The following SPECC1 variants were observed in gnomAD, a reference collection of about 807,000 sequenced individuals.
The protein encoded by SPECC1 is cytospin-B.
In SPECC1, 62 loss-of-function variants were observed where a neutral mutation model predicts 104.1. The ratio of observed to expected loss-of-function variants is 0.60; its 90% CI spans 0.49 to 0.74. SPECC1 has a LOEUF of 0.74. Ranked by LOEUF, SPECC1 falls within the 30% of genes least tolerant of loss-of-function variation. The pLI, the probability that SPECC1 is intolerant of heterozygous loss-of-function variation, is 0.00. For missense variants in SPECC1, 1,306 were observed against 1,310.5 expected (o/e 1.00, Z 0.05); for synonymous variants, 513 against 501.6 (o/e 1.02, Z -0.30).
chr17:20,059,695 A>G (rs1179564899), intron 1 of SPECC1, among the ~76,000 whole-genome samples: 1 of 152,094 alleles, frequency 6.6e-6, no homozygotes, highest in Non-Finnish European at 1.5e-5. Flanking sequence ...GTGAGATCCC[A>G]TCTCTATAGA....
intron 4 of SPECC1, among the ~76,000 whole-genome samples, chr17:20,223,243 C>T (rs992340116): frequency 6.6e-6 from 1 of 151,954 alleles, no homozygotes; most frequent in African/African-American, 2.4e-5. Context: ...TTTGTCTCCT[C>T]TGTATATTTT....
At chr17:20,034,605 CTTTTT>C (rs375147469) in intron 1 of SPECC1, among the ~76,000 whole-genome samples, 17 of 132,378 alleles carry the variant, frequency 1.3e-4, no homozygotes, top group Non-Finnish European at 1.4e-4. Context: ...TCTATTTTTC[CTTTTT>C]TTTTTTTTTT....
At position 20,141,259 on chromosome 17, in the gene SPECC1, C is replaced by G. The variant is rs531816455; in HGVS notation, c.283+30697C>G. Reference sequence around the variant, plus strand: ...AAGTCACTCCCATATCCTACCTATACTGCTTCTCCTGCCTAATAACTCTCT... The same window carrying G: ...AAGTCACTCCCATATCCTACCTATAGTGCTTCTCCTGCCTAATAACTCTCT... On this transcript the variant is annotated intron_variant, in intron 3 of 14. Coordinates refer to ENST00000395527, the MANE Select transcript of SPECC1 (RefSeq NM_001243439.2). Among the ~76,000 whole-genome samples, 128 of 152,320 alleles carry G rather than the reference C, an allele frequency of 8.4e-4. 1 individual carries two copies. Among genetic ancestry groups the G allele is most frequent in the South Asian group, 2.1e-4 (1 of 4,828 alleles).
At chr17:20,288,040 A>G (rs973658179) in intron 12 of SPECC1, among the ~76,000 whole-genome samples, 2 of 152,010 alleles carry the variant, frequency 1.3e-5, no homozygotes, top group African/African-American at 2.4e-5. Context: ...ATAAATGAGA[A>G]CATACTTTGT....
At chr17:20,063,846 A>G (rs759478558) in intron 1 of SPECC1, among the ~76,000 whole-genome samples, 3 of 152,186 alleles carry the variant, frequency 2.0e-5, no homozygotes, top group Non-Finnish European at 4.4e-5. Flanking sequence ...TCTGAGTTAA[A>G]CTTAGCCAAC....
intron 9 of SPECC1, among the ~76,000 whole-genome samples, chr17:20,250,998 A>C (rs1025127268): frequency 6.6e-6 from 1 of 152,010 alleles, no homozygotes. Context: ...AGGCCAAGGT[A>C]GGTGGATCAC....
intron 4 of SPECC1, among the ~76,000 whole-genome samples, chr17:20,216,756 T>C (rs759836273): frequency 2.2e-4 from 34 of 152,170 alleles, no homozygotes; most frequent in Non-Finnish European, 4.1e-4. Flanking sequence ...AAGTTGATCT[T>C]TGAAATTGAG....
chr17:20,104,666 C>A (rs2048100912), intron 2 of SPECC1, among the ~76,000 whole-genome samples: 1 of 136,882 alleles, frequency 7.3e-6, no homozygotes, highest in African/African-American at 2.8e-5. Context: ...TCGTTCAAAT[C>A]TGGGAGGCGG....
intron 1 of SPECC1, among the ~76,000 whole-genome samples, chr17:20,078,242 T>C (rs1196691856): frequency 6.6e-6 from 1 of 151,268 alleles, no homozygotes; most frequent in Non-Finnish European, 1.5e-5. Context: ...TGCAAAAAAC[T>C]TGGTACATTG....
chr17:20,061,072 A>G (rs2046168379), intron 1 of SPECC1, among the ~76,000 whole-genome samples: 6 of 152,080 alleles, frequency 3.9e-5, no homozygotes, highest in Admixed American at 3.9e-4. Context: ...TGTTTCATTT[A>G]TTTCTTTGTT....
At chr17:20,273,061 C>T (rs879596143) in intron 12 of SPECC1, among the ~76,000 whole-genome samples, 1 of 152,180 alleles carries the variant, frequency 6.6e-6, no homozygotes, top group Admixed American at 6.5e-5. Context: ...ATATCCATGA[C>T]GAACTTCTGG....
chr17:20,096,772 T>C lies in SPECC1; in HGVS notation c.121T>C (p.Leu41=), dbSNP rs34127621. ...GMKSSKSSTS[L]AFESRLSRLK... ...GAAGAGTTCTAAGTCTTCAACTTCCTTGGCTTTTGAGTCCCGACTCAGCAG... is the reference window on the plus strand; with the variant it reads ...GAAGAGTTCTAAGTCTTCAACTTCCCTGGCTTTTGAGTCCCGACTCAGCAG... The change falls in exon 2 of 15, where the codon TTG becomes CTG. Residue 41 remains leucine (L), a synonymous_variant. Coordinates refer to ENST00000395527, the MANE Select transcript of SPECC1 (RefSeq NM_001243439.2). The C allele has an allele frequency of 1.9e-5, 30 of 1,614,042 alleles. No homozygotes were observed. In the African/African-American group the frequency reaches 3.3e-4, roughly 18 times the overall value.
intron 3 of SPECC1, among the ~76,000 whole-genome samples, chr17:20,198,815 C>G (rs2036209828): frequency 6.6e-6 from 1 of 152,156 alleles, no homozygotes; most frequent in African/African-American, 2.4e-5. Flanking sequence ...TGTAATAGAG[C>G]CACTGCTTTC....
chr17:20,257,045 T>C lies in SPECC1; in HGVS notation c.2681-406T>C, dbSNP rs372466219. Among the ~76,000 whole-genome samples, 33 of 152,322 alleles carry C rather than the reference T, an allele frequency of 2.2e-4. No homozygotes were observed. In the South Asian group the frequency reaches 6.8e-3, roughly 32 times the overall value. On this transcript the variant is annotated intron_variant, in intron 10 of 14. Coordinates refer to ENST00000395527, the MANE Select transcript of SPECC1 (RefSeq NM_001243439.2). ...TCTTCTTGGTTCCCAGCTTCTTGTT[T>C]ATTGCTGCCTGTGGTCTGATCATCA...
intron 1 of SPECC1, among the ~76,000 whole-genome samples, chr17:20,050,521 G>A (rs1345111883): frequency 6.6e-6 from 1 of 152,126 alleles, no homozygotes; most frequent in Non-Finnish European, 1.5e-5. Flanking sequence ...AGTCTTATTG[G>A]AATATTTCAG....
intron 12 of SPECC1, among the ~76,000 whole-genome samples, chr17:20,277,265 ACCACATGACCAAGCAGAACT>A (rs986716194): frequency 3.3e-5 from 5 of 152,152 alleles, no homozygotes; most frequent in Non-Finnish European, 7.4e-5. Flanking sequence ...GACAGAAACA[ACCACATGACCAAGCAGAACT>A]CCTTAGCAGC....
At chr17:20,120,875 C>T (rs149100323) in intron 3 of SPECC1, among the ~76,000 whole-genome samples, 1 of 152,294 alleles carries the variant, frequency 6.6e-6, no homozygotes, top group East Asian at 1.9e-4. Context: ...ATCATGTAAT[C>T]TTTTGGTCGT....
At chr17:20,263,140 G>A (rs2040087415) in intron 12 of SPECC1, among the ~76,000 whole-genome samples, 1 of 151,490 alleles carries the variant, frequency 6.6e-6, no homozygotes, top group Admixed American at 6.6e-5. Flanking sequence ...CATGAAGGAA[G>A]GCCTCTTGGT....
intron 3 of SPECC1, among the ~76,000 whole-genome samples, chr17:20,120,079 T>C (rs899613844): frequency 2.0e-5 from 3 of 152,216 alleles, no homozygotes; most frequent in Non-Finnish European, 2.9e-5. Flanking sequence ...CCTGTAGTAA[T>C]AAGCTTGGGT....
Sources: gnomAD v4.1 joint callset for allele counts (sites outside exome capture counted in the v4.1 genomes callset) on GRCh38, gnomAD v4.1.1 for gene constraint, MANE v1.5 for transcripts, NCBI Gene and HGNC (gene_info 2026-07-23, HGNC 2026-07-21) for gene names.